Variants in RGL1 observed in about 807,000 individuals in gnomAD.
RGL1 encodes the protein ral guanine nucleotide dissociation stimulator-like 1.
A neutral mutation model predicts 95.2 loss-of-function variants in RGL1; 24 were observed. The observed-to-expected ratio is 0.25, with a 90% CI of 0.18 to 0.35. RGL1 has a LOEUF of 0.35. RGL1 is among the 10% of genes least tolerant of loss of function. RGL1 has a pLI of 1.00. For synonymous variants in RGL1, 329 were observed against 344.9 expected (o/e 0.95, Z 0.51); for missense variants, 715 against 936.3 (o/e 0.76, Z 3.08).
chr1:183,819,049 A>G (rs1662276480), intron 2 of RGL1, among the ~76,000 whole-genome samples: 1 of 152,246 alleles, frequency 6.6e-6, no homozygotes, highest in Non-Finnish European at 1.5e-5. Context: ...GGTTTGAGTC[A>G]TGGGTCAAGG....
Position 183,724,281 on chromosome 1 carries a change from A to G in RGL1, c.-32-17845A>G, listed in dbSNP as rs1215898098. 2.0e-5 allele frequency among the ~76,000 whole-genome samples: 3 copies of G among 152,170 alleles called. No individual in the cohort carries two copies. The highest frequency in any genetic ancestry group is 4.4e-5 in the Non-Finnish European group (3 of 68,020). On this transcript the variant is annotated intron_variant, in intron 1 of 18. Transcript: ENST00000304685. The surrounding 1 kb of genome is among the most constrained non-coding windows in gnomAD (Gnocchi z 4.1). ...GAGACTGTTTCTGCTTGAGAAAAGC[A>G]GAGGGAAGAGTAAAGGAGACTTCAT... is the stretch of plus-strand genomic sequence containing the variant.
intron 1 of RGL1, among the ~76,000 whole-genome samples, chr1:183,640,496 A>C (rs765195363): frequency 2.0e-5 from 3 of 152,208 alleles, no homozygotes; most frequent in Non-Finnish European, 4.4e-5. Context: ...AAGATTAAAA[A>C]AAATTGTAAA....
chr1:183,911,808 T>C (rs1002723647), intron 14 of RGL1, among the ~76,000 whole-genome samples: 4 of 152,192 alleles, frequency 2.6e-5, no homozygotes, highest in Admixed American at 6.5e-5. Flanking sequence ...AGGTGGTCCA[T>C]AGACTGTTAA....
intron 4 of RGL1, among the ~76,000 whole-genome samples, chr1:183,872,043 G>A (rs2102612317): frequency 6.6e-6 from 1 of 152,262 alleles, no homozygotes; most frequent in East Asian, 1.9e-4. Context: ...TATCAATTAG[G>A]AAACTCACTT....
chr1:183,900,295 GAGT>G (rs1169046177), intron 11 of RGL1, 59 bp downstream of exon 11: 65 of 1,355,812 alleles, frequency 4.8e-5, no homozygotes, highest in Non-Finnish European at 5.3e-6. Context: ...ATACCCTAAA[GAGT>G]AGTTAACTTC....
intron 2 of RGL1, among the ~76,000 whole-genome samples, chr1:183,788,386 C>G (rs1285628864): frequency 6.6e-6 from 1 of 152,220 alleles, no homozygotes; most frequent in South Asian, 2.1e-4. Flanking sequence ...CTGTTCTATT[C>G]AGTCTCTCAA....
At chr1:183,908,335 G>T (rs563215286) in intron 14 of RGL1, among the ~76,000 whole-genome samples, 1 of 152,222 alleles carries the variant, frequency 6.6e-6, no homozygotes, top group South Asian at 2.1e-4. Context: ...GGATAGCAAG[G>T]TCTCCCACCA....
intron 2 of RGL1, among the ~76,000 whole-genome samples, chr1:183,766,672 C>T (rs1225550830): frequency 6.6e-6 from 1 of 152,036 alleles, no homozygotes; most frequent in Non-Finnish European, 1.5e-5. Flanking sequence ...TTAATTTTGT[C>T]CAAGAGCTTT....
intron 1 of RGL1, among the ~76,000 whole-genome samples, chr1:183,700,842 C>G (rs1459832989): frequency 1.3e-5 from 2 of 152,164 alleles, no homozygotes; most frequent in East Asian, 3.9e-4. Context: ...CCGTGCCTGG[C>G]CTGTCATCTA....
chr1:183,865,066 T>G (rs1665745025), intron 3 of RGL1, among the ~76,000 whole-genome samples: 1 of 152,230 alleles, frequency 6.6e-6, no homozygotes, highest in African/African-American at 2.4e-5. Flanking sequence ...GATTCTGTAT[T>G]GATGGAAGGA....
At chr1:183,739,282 A>G (rs1657138224) in intron 1 of RGL1, among the ~76,000 whole-genome samples, 1 of 152,250 alleles carries the variant, frequency 6.6e-6, no homozygotes, top group Non-Finnish European at 1.5e-5. Context: ...CCATTGTGCC[A>G]GTGAGCTGAG....
chr1:183,864,553 TA>T (rs1472019932), intron 3 of RGL1, among the ~76,000 whole-genome samples: 2 of 152,212 alleles, frequency 1.3e-5, no homozygotes, highest in African/African-American at 4.8e-5. Context: ...TCACCCTGTT[TA>T]TTTATTAGGA....
chr1:183,910,505 C>T (rs533138930), intron 14 of RGL1, among the ~76,000 whole-genome samples: 3 of 152,350 alleles, frequency 2.0e-5, no homozygotes, highest in Admixed American at 2.0e-4. Flanking sequence ...TCCTATGGTT[C>T]ACCAGTTCTG....
Position 183,729,196 on chromosome 1 carries a change from G to A in RGL1, c.-32-12930G>A, listed in dbSNP as rs542676878. Reference sequence around the variant, plus strand: ...AGATAAAATATATATGTGTGTGTGTGTGTGTGTGTGTATACTATTTTATAT... The same window carrying A: ...AGATAAAATATATATGTGTGTGTGTATGTGTGTGTGTATACTATTTTATAT... On this transcript the variant is annotated intron_variant, in intron 1 of 18. Coordinates refer to the RGL1 transcript ENST00000304685. 2.9e-3 allele frequency among the ~76,000 whole-genome samples: 439 copies of A among 152,178 alleles called. 4 individuals carry two copies. Among genetic ancestry groups the A allele is most frequent in the African/African-American group, 0.01 (422 of 41,498 alleles).
intron 2 of RGL1, among the ~76,000 whole-genome samples, chr1:183,766,208 C>T (rs948412055): frequency 6.6e-6 from 1 of 152,108 alleles, no homozygotes; most frequent in Non-Finnish European, 1.5e-5. Context: ...AGTTCGAGAC[C>T]AGCCTGGCTA....
At chr1:183,640,344 C>T (rs1291429036) in intron 1 of RGL1, among the ~76,000 whole-genome samples, 4 of 152,102 alleles carry the variant, frequency 2.6e-5, no homozygotes, top group Non-Finnish European at 5.9e-5. Context: ...ACAGGACTTC[C>T]AAAAATGTCT....
chr1:183,835,333 G>T (rs1194076350), intron 2 of RGL1, among the ~76,000 whole-genome samples: 1 of 151,826 alleles, frequency 6.6e-6, no homozygotes, highest in Non-Finnish European at 1.5e-5. Context: ...CTTTATTTCT[G>T]AAAATAGAAG....
At chr1:183,707,144 G>T (rs540482614) in intron 1 of RGL1, among the ~76,000 whole-genome samples, 3 of 152,208 alleles carry the variant, frequency 2.0e-5, no homozygotes, top group Non-Finnish European at 4.4e-5. Context: ...AATCCCAGTG[G>T]GGGGCCTGGT....
At chr1:183,820,257 A>G (rs1662380631) in intron 2 of RGL1, among the ~76,000 whole-genome samples, 1 of 152,172 alleles carries the variant, frequency 6.6e-6, no homozygotes. Flanking sequence ...TAGGCAGGAA[A>G]TATTTTTCAG....
Sources: allele counts gnomAD v4.1 joint callset (sites outside exome capture counted in the v4.1 genomes callset), GRCh38; gene constraint gnomAD v4.1.1; non-coding constraint Gnocchi (gnomAD v3.1); transcripts MANE v1.5; gene names NCBI Gene and HGNC (gene_info 2026-07-23, HGNC 2026-07-21).